Variants in MTCL1 observed in about 807,000 individuals in gnomAD.
MTCL1 encodes the protein microtubule cross-linking factor 1.
A neutral mutation model predicts 141.4 loss-of-function variants in MTCL1; 79 were observed. That is an observed-to-expected ratio of 0.56 (90% CI 0.47 to 0.67). The LOEUF (loss-of-function observed/expected upper bound fraction) is 0.67, where lower values mean the gene tolerates loss of function less well. Among genes scored for constraint, MTCL1 ranks in the 30% least tolerant of loss-of-function variants. MTCL1 has a pLI of 0.00. For synonymous variants in MTCL1, 914 were observed against 875.8 expected, an observed-to-expected ratio of 1.04 and a Z score of -0.77; for missense variants, 2,177 against 2,113.9, an observed-to-expected ratio of 1.03 and a Z score of -0.59.
chr18:8,794,818 T>G (rs76804131), intron 8 of MTCL1, among the ~76,000 whole-genome samples: 8,848 of 152,282 alleles, frequency 0.058, 303 homozygotes, highest in East Asian at 0.13. Flanking sequence ...CTCCCTTCTT[T>G]TTAATTACTG....
chr18:8,766,683 T>C (rs765595761), intron 4 of MTCL1, among the ~76,000 whole-genome samples: 2 of 152,154 alleles, frequency 1.3e-5, no homozygotes, highest in Non-Finnish European at 2.9e-5. Context: ...AAACCATGGC[T>C]GTTTTGTTTT....
chr18:8,729,028 G>A (rs1017693176), intron 4 of MTCL1, among the ~76,000 whole-genome samples: 1 of 149,286 alleles, frequency 6.7e-6, no homozygotes, highest in African/African-American at 2.5e-5. Context: ...GAGCCACCAC[G>A]CCCAGCTGGA....
exon 1 of MTCL1, chr18:8,706,194 C>G: frequency 8.2e-7 from 1 of 1,225,560 alleles, no homozygotes; most frequent in Non-Finnish European, 1.0e-6. Context: ...GCCCCCCGAC[C>G]CCGGCCGCCC....
At chr18:8,809,035 C>CAA (rs57075403) in intron 11 of MTCL1, among the ~76,000 whole-genome samples, 11,047 of 132,208 alleles carry the variant, frequency 0.084, 473 homozygotes, top group Middle Eastern at 0.15. Flanking sequence ...AAGTTTCAGG[C>CAA]AAAAAAAAAA....
chr18:8,713,373 A>G, upstream of MTCL1, among the ~76,000 whole-genome samples: 1 of 152,182 alleles, frequency 6.6e-6, no homozygotes, highest in East Asian at 1.9e-4. Flanking sequence ...GACAACAGCG[A>G]TTTTCCAATT....
intron 4 of MTCL1, among the ~76,000 whole-genome samples, chr18:8,758,803 CTA>C (rs1319620843): frequency 1.3e-5 from 2 of 152,176 alleles, no homozygotes; most frequent in African/African-American, 4.8e-5. Context: ...GGAAACAAAA[CTA>C]TTGTTGCAAA....
At chr18:8,777,442 G>A (rs1437749471) in intron 4 of MTCL1, among the ~76,000 whole-genome samples, 2 of 152,136 alleles carry the variant, frequency 1.3e-5, no homozygotes, top group African/African-American at 2.4e-5. Flanking sequence ...ACATGATTTG[G>A]AACGTGAACC....
In MTCL1 at chr18:8,830,777, A is replaced by AGG. The variant is rs2077170327; in HGVS notation, c.*19-830_*19-829insGG. The AGG allele has an allele frequency of 1.0e-6, 1 of 985,292 alleles. No individual in the cohort carries two copies. Among genetic ancestry groups the AGG allele is most frequent in the Non-Finnish European group, 1.2e-6 (1 of 829,944 alleles). The allele number at this position is 985,292 out of a possible 1,614,324, so 61.0% of individuals were successfully genotyped here. A position where few individuals can be genotyped will look rare whatever the true frequency, so the allele number is the denominator to read the frequency against. On this transcript the variant is annotated intron_variant, in intron 16 of 16. Transcript: ENST00000359865. This position sits in a 1 kb window ranked among gnomAD's most constrained non-coding sequence, Gnocchi z 6.4. ...CTTTTTACATTTCTGTGTATCAGCA[A>AGG]ATTCCAAATTTGGGTGTCCTGGTTT...
At chr18:8,721,832 G>A (rs993768575) in intron 4 of MTCL1, among the ~76,000 whole-genome samples, 1 of 152,184 alleles carries the variant, frequency 6.6e-6, no homozygotes, top group Non-Finnish European at 1.5e-5. Flanking sequence ...AGCTCTGTGG[G>A]GCAGGGACAG....
intron 4 of MTCL1, among the ~76,000 whole-genome samples, chr18:8,725,010 A>G (rs138758742): frequency 1.5e-3 from 221 of 150,846 alleles, no homozygotes; most frequent in African/African-American, 5.0e-3. Context: ...ATTCAACTCT[A>G]CCTATAGTGG....
intron 11 of MTCL1, among the ~76,000 whole-genome samples, chr18:8,809,017 G>C (rs888622237): frequency 6.6e-6 from 1 of 151,270 alleles, no homozygotes; most frequent in Non-Finnish European, 1.5e-5. Context: ...TGGAAAAGGA[G>C]AGAAAGGAAG....
rs149766194 is a variant in MTCL1, at chr18:8,828,759, C to T, written c.4723-149C>T. 76 of 1,334,064 alleles carry T rather than the reference C, an allele frequency of 5.7e-5. 1 individual carries two copies. Among genetic ancestry groups the T allele is most frequent in the African/African-American group, 5.5e-4 (38 of 68,878 alleles). 82.6% of individuals were successfully genotyped at this position (1,334,064 alleles called of 1,614,324 possible). A position where few individuals can be genotyped will look rare whatever the true frequency, so the allele number is the denominator to read the frequency against. ...AGTGAATGTGCTAGATCTGAGAGCCCGCAAGTCTCTCCTGGTGGCTACCCC... is the reference window on the plus strand; with the variant it reads ...AGTGAATGTGCTAGATCTGAGAGCCTGCAAGTCTCTCCTGGTGGCTACCCC... On this transcript the variant is annotated intron_variant, in intron 15 of 16. Coordinates refer to ENST00000359865, the Ensembl canonical transcript of MTCL1. The surrounding 1 kb of genome is among the most constrained non-coding windows in gnomAD (Gnocchi z 5.2).
intron 4 of MTCL1, among the ~76,000 whole-genome samples, chr18:8,762,129 C>A (rs2096435366): frequency 2.0e-5 from 3 of 152,168 alleles, no homozygotes; most frequent in African/African-American, 7.2e-5. Context: ...GTGAATTGTG[C>A]TCCTGTGAGT....
chr18:8,819,254 C>A lies in MTCL1; in HGVS notation c.3151C>A (p.Pro1051Thr), dbSNP rs1490005037. The A allele has an allele frequency of 1.9e-6, 3 of 1,613,826 alleles. No homozygotes were observed. The African/African-American group carries it at 4.0e-5, about 22-fold the overall frequency. Reference sequence around the variant, plus strand: ...CGAGAGGGAGTTCAGGAACCGCCTCCCTGAGGTCAGCCAGGTTTTGTCCAT... The same window carrying A: ...CGAGAGGGAGTTCAGGAACCGCCTCACTGAGGTCAGCCAGGTTTTGTCCAT... The change falls in exon 13 of 17, where the codon CCT becomes ACT. Residue 1051 changes from proline (P) to threonine (T), a missense_variant. Coordinates refer to ENST00000359865, the Ensembl canonical transcript of MTCL1.
At chr18:8,731,199 T>G (rs928086764) in intron 4 of MTCL1, among the ~76,000 whole-genome samples, 4 of 151,512 alleles carry the variant, frequency 2.6e-5, no homozygotes, top group Non-Finnish European at 5.9e-5. Context: ...GAGCCAAGAT[T>G]GTGCCACTGC....
At chr18:8,760,171 A>C (rs1050842232) in intron 4 of MTCL1, among the ~76,000 whole-genome samples, 1 of 152,200 alleles carries the variant, frequency 6.6e-6, no homozygotes, top group East Asian at 1.9e-4. Context: ...ACAGTCCCTC[A>C]GTGAGTCCAA....
Position 8,763,373 on chromosome 18 carries a change from C to T in MTCL1, c.358-14460C>T, listed in dbSNP as rs542973359. ...CAGGGTCCAACCTGCTGTAGAACCACCACAGAACAGAATCTAAGTCTCTCC... is the reference window on the plus strand; with the variant it reads ...CAGGGTCCAACCTGCTGTAGAACCATCACAGAACAGAATCTAAGTCTCTCC... On this transcript the variant is annotated intron_variant, in intron 4 of 16. Transcript: ENST00000359865. Among the ~76,000 whole-genome samples, 4 of 152,364 alleles carry T rather than the reference C, an allele frequency of 2.6e-5. No homozygotes were observed. In the South Asian group the frequency reaches 8.3e-4, roughly 32 times the overall value.
chr18:8,825,855 A>G (rs2077005456), exon 15 of MTCL1: 2 of 1,614,002 alleles, frequency 1.2e-6, no homozygotes, highest in African/African-American at 1.3e-5. Flanking sequence ...CCTCTTCAAC[A>G]TCATTGACCA....
intron 4 of MTCL1, among the ~76,000 whole-genome samples, chr18:8,722,068 G>T (rs1175336873): frequency 6.6e-6 from 1 of 152,172 alleles, no homozygotes; most frequent in African/African-American, 2.4e-5. Context: ...AGGACTCGAG[G>T]AATTTGTCCT....
Sources: allele counts gnomAD v4.1 joint callset (sites outside exome capture counted in the v4.1 genomes callset), GRCh38; gene constraint gnomAD v4.1.1; non-coding constraint Gnocchi (gnomAD v3.1); transcripts MANE v1.5; gene names NCBI Gene and HGNC (gene_info 2026-07-23, HGNC 2026-07-21).